Variants in PDSS2 observed in about 807,000 individuals in gnomAD.
PDSS2 encodes the protein decaprenyl diphosphate synthase subunit 2.
PDSS2 carries 31 observed loss-of-function variants against 44.5 expected under a neutral mutation model. The ratio of observed to expected loss-of-function variants is 0.70; its 90% CI spans 0.52 to 0.94. The LOEUF (loss-of-function observed/expected upper bound fraction) is 0.94, where lower values mean the gene tolerates loss of function less well. Among genes scored for constraint, PDSS2 ranks in the 40% least tolerant of loss-of-function variants. PDSS2 has a pLI of 0.00. For missense variants in PDSS2, 452 were observed against 482.2 expected, an observed-to-expected ratio of 0.94 and a Z score of 0.59; for synonymous variants, 157 against 180.3, an observed-to-expected ratio of 0.87 and a Z score of 1.03.
Position 107,436,500 on chromosome 6 carries a change from T to TGA in PDSS2, c.296+22488_296+22489dup, listed in dbSNP as rs201744210. 6.6e-5 allele frequency among the ~76,000 whole-genome samples: 10 copies of TGA among 152,328 alleles called. No individual in the cohort carries two copies. The East Asian group carries it at 1.9e-3, about 29-fold the overall frequency. On this transcript the variant is annotated intron_variant, in intron 1 of 7. Transcript: ENST00000369037. ...TTTTTAAAGGTAAAAATTCAGTTAC[T>TGA]GAGTACTGCCTTAAATAATTTTTAT...
At chr6:107,345,706 A>G (rs1778221954) in intron 1 of PDSS2, among the ~76,000 whole-genome samples, 1 of 152,182 alleles carries the variant, frequency 6.6e-6, no homozygotes, top group Admixed American at 6.5e-5. Flanking sequence ...TAGGAAAAAT[A>G]TGTTTAAAAA....
intron 4 of PDSS2, among the ~76,000 whole-genome samples, chr6:107,213,981 T>C (rs558994246): frequency 3.4e-4 from 52 of 152,282 alleles, no homozygotes; most frequent in African/African-American, 1.2e-3. Context: ...ACTTTTCTAG[T>C]GGCTATATAA....
At chr6:107,161,221 C>T (rs1399569360) in intron 7 of PDSS2, among the ~76,000 whole-genome samples, 4 of 151,762 alleles carry the variant, frequency 2.6e-5, no homozygotes, top group African/African-American at 9.7e-5. Context: ...TGGCTCATGC[C>T]TGTAATCCCA....
At chr6:107,293,116 G>A (rs1297248761) in intron 2 of PDSS2, among the ~76,000 whole-genome samples, 4 of 152,074 alleles carry the variant, frequency 2.6e-5, no homozygotes, top group African/African-American at 4.8e-5. Flanking sequence ...AAAGCCCTCC[G>A]TACTCTACCA....
chr6:107,418,547 G>A (rs1473641978), intron 1 of PDSS2, among the ~76,000 whole-genome samples: 2 of 152,130 alleles, frequency 1.3e-5, no homozygotes, highest in Admixed American at 6.5e-5. Flanking sequence ...CAAGGCAGGT[G>A]GATCATTTGA....
At chr6:107,182,115 C>G (rs1228943511) in intron 7 of PDSS2, among the ~76,000 whole-genome samples, 5 of 151,880 alleles carry the variant, frequency 3.3e-5, no homozygotes, top group Non-Finnish European at 7.4e-5. Flanking sequence ...ATTAGAGGAA[C>G]AGATAATCAA....
intron 1 of PDSS2, among the ~76,000 whole-genome samples, chr6:107,374,993 A>G (rs1361822207): frequency 2.6e-5 from 4 of 152,140 alleles, no homozygotes; most frequent in Non-Finnish European, 5.9e-5. Context: ...ACAAATTTCC[A>G]CATAATCCAT....
At chr6:107,326,476 A>G (rs758508031) in intron 2 of PDSS2, among the ~76,000 whole-genome samples, 12 of 152,152 alleles carry the variant, frequency 7.9e-5, no homozygotes, top group Non-Finnish European at 1.5e-4. Context: ...ATTACAAATA[A>G]ATACAGAAAA....
rs185306824 is a variant in PDSS2 at position 107,328,904 on chromosome 6, C to T, written c.431+5294G>A. ...GCTCTGGAAGAAAAATTGGTAAATG[C>T]TAACAAGAAAAAGGCATGAAATCAA... On this transcript the variant is annotated intron_variant, in intron 2 of 7. Transcript: ENST00000369037. Among the ~76,000 whole-genome samples, 563 of 152,284 alleles carry T rather than the reference C, an allele frequency of 3.7e-3. 1 individual carries two copies. Among genetic ancestry groups the T allele is most frequent in the Middle Eastern group, 0.014 (4 of 294 alleles).
At chr6:107,450,004 G>A (rs1353210529) in intron 1 of PDSS2, among the ~76,000 whole-genome samples, 2 of 152,136 alleles carry the variant, frequency 1.3e-5, no homozygotes, top group African/African-American at 4.8e-5. Context: ...TATGAACATG[G>A]GTATACAAAT....
At chr6:107,224,659 G>A (rs1217345849) in intron 4 of PDSS2, among the ~76,000 whole-genome samples, 1 of 151,134 alleles carries the variant, frequency 6.6e-6, no homozygotes, top group Non-Finnish European at 1.5e-5. Flanking sequence ...ATTTAATTGG[G>A]TTTTCCATTT....
At chr6:107,227,926 G>A (rs902936133) in intron 4 of PDSS2, among the ~76,000 whole-genome samples, 3 of 152,146 alleles carry the variant, frequency 2.0e-5, no homozygotes, top group African/African-American at 7.2e-5. Flanking sequence ...AGTGACCCAG[G>A]ATGGAGATAA....
chr6:107,289,958 A>ATTT (rs1776290359), intron 2 of PDSS2, among the ~76,000 whole-genome samples: 1 of 151,570 alleles, frequency 6.6e-6, no homozygotes, highest in Admixed American at 6.6e-5. Context: ...TTTTTTTTTA[A>ATTT]AAAATGTTTT....
At chr6:107,397,341 G>T (rs1779981358) in intron 1 of PDSS2, among the ~76,000 whole-genome samples, 1 of 152,098 alleles carries the variant, frequency 6.6e-6, no homozygotes, top group South Asian at 2.1e-4. Flanking sequence ...CAAGGCAGTG[G>T]CACCCAATGT....
intron 2 of PDSS2, among the ~76,000 whole-genome samples, chr6:107,330,186 T>A (rs1445698758): frequency 6.6e-6 from 1 of 152,080 alleles, no homozygotes; most frequent in Non-Finnish European, 1.5e-5. Flanking sequence ...CTTGAATGGG[T>A]CACTTCCCAG....
chr6:107,421,775 C>G (rs544322101), intron 1 of PDSS2, among the ~76,000 whole-genome samples: 2 of 149,158 alleles, frequency 1.3e-5, no homozygotes, highest in African/African-American at 4.9e-5. Context: ...ATGGTAGTTA[C>G]AAAAATCTAT....
intron 2 of PDSS2, among the ~76,000 whole-genome samples, chr6:107,276,238 A>G (rs1388235061): frequency 6.6e-6 from 1 of 152,114 alleles, no homozygotes; most frequent in Non-Finnish European, 1.5e-5. Context: ...ATCAAGAAAC[A>G]TTCCTTGCTC....
At chr6:107,387,190 C>T (rs1297562800) in intron 1 of PDSS2, among the ~76,000 whole-genome samples, 4 of 152,192 alleles carry the variant, frequency 2.6e-5, no homozygotes, top group Non-Finnish European at 5.9e-5. Context: ...TCCCCAGCTT[C>T]TCCTCACCAC....
At chr6:107,313,310 C>G (rs1777101839) in intron 2 of PDSS2, among the ~76,000 whole-genome samples, 1 of 152,132 alleles carries the variant, frequency 6.6e-6, no homozygotes, top group Non-Finnish European at 1.5e-5. Flanking sequence ...TCTATGTTTT[C>G]AGAAATTATA....
Sources: gnomAD v4.1 joint callset for allele counts (sites outside exome capture counted in the v4.1 genomes callset) on GRCh38, gnomAD v4.1.1 for gene constraint, MANE v1.5 for transcripts, NCBI Gene and HGNC (gene_info 2026-07-23, HGNC 2026-07-21) for gene names.